Variants in PATJ observed in about 807,000 individuals in gnomAD.
PATJ encodes inaD-like protein.
In PATJ, 190 loss-of-function variants were observed where a neutral mutation model predicts 224.9. The observed-to-expected ratio is 0.84, with a 90% CI of 0.75 to 0.95. The LOEUF (loss-of-function observed/expected upper bound fraction) is 0.95. PATJ is among the 40% of genes least tolerant of loss of function. The pLI is 0.00. For synonymous variants in PATJ, 769 were observed against 820.3 expected, an observed-to-expected ratio of 0.94 and a Z score of 1.07; for missense variants, 2,121 against 2,270.3, an observed-to-expected ratio of 0.93 and a Z score of 1.34.
intron 28 of PATJ, among the ~76,000 whole-genome samples, chr1:62,010,274 C>T (rs1006837756): frequency 1.3e-5 from 2 of 152,000 alleles, no homozygotes; most frequent in African/African-American, 2.4e-5. Flanking sequence ...ATCTTGAACC[C>T]CTCAAAGTCA....
chr1:62,066,845 T>C (rs1570421600), intron 31 of PATJ, among the ~76,000 whole-genome samples: 1 of 151,760 alleles, frequency 6.6e-6, no homozygotes, highest in African/African-American at 2.4e-5. Flanking sequence ...TGGTTGGGGG[T>C]GAATTCATAG....
intron 27 of PATJ, among the ~76,000 whole-genome samples, chr1:61,944,255 G>A (rs1678310069): frequency 6.6e-6 from 1 of 152,166 alleles, no homozygotes; most frequent in South Asian, 2.1e-4. Context: ...GGCTTCAGAC[G>A]ATTGGTAATA....
intron 16 of PATJ, among the ~76,000 whole-genome samples, chr1:61,828,909 T>G (rs1658808502): frequency 6.6e-6 from 1 of 152,200 alleles, no homozygotes; most frequent in Non-Finnish European, 1.5e-5. Context: ...TGACTTTCTG[T>G]TCATATTTTT....
chr1:61,875,846 A>G (rs897102625), intron 21 of PATJ, among the ~76,000 whole-genome samples: 1 of 152,176 alleles, frequency 6.6e-6, no homozygotes, highest in Non-Finnish European at 1.5e-5. Flanking sequence ...AAAGAATTCT[A>G]AAAGTATAGT....
intron 27 of PATJ, among the ~76,000 whole-genome samples, chr1:61,947,470 A>T (rs945690274): frequency 6.6e-6 from 1 of 152,180 alleles, no homozygotes; most frequent in Non-Finnish European, 1.5e-5. Flanking sequence ...CACAATTGCT[A>T]CAAAGAGAAT....
intron 33 of PATJ, among the ~76,000 whole-genome samples, chr1:62,091,261 C>A (rs1660698866): frequency 1.3e-5 from 2 of 152,158 alleles, no homozygotes; most frequent in Admixed American, 1.3e-4. Context: ...TTCTACCAAA[C>A]CTAAAAGGCA....
At chr1:61,778,254 G>C (rs969385855) in intron 7 of PATJ, among the ~76,000 whole-genome samples, 2 of 152,068 alleles carry the variant, frequency 1.3e-5, no homozygotes, top group Admixed American at 6.5e-5. Flanking sequence ...GGCCTGAAGC[G>C]ATCTTCCTGC....
intron 43 of PATJ, among the ~76,000 whole-genome samples, chr1:62,159,542 C>T (rs1052199302): frequency 1.4e-5 from 2 of 143,916 alleles, no homozygotes; most frequent in African/African-American, 5.3e-5. Context: ...CAGTATAGAC[C>T]TGATTTCGAA....
intron 26 of PATJ, among the ~76,000 whole-genome samples, chr1:61,916,894 C>T (rs1240779540): frequency 2.0e-5 from 3 of 152,116 alleles, no homozygotes; most frequent in Non-Finnish European, 1.5e-5. Flanking sequence ...GAGTCAGTTC[C>T]TTGGGGGAGG....
chr1:62,012,079 G>A (rs990111924), intron 28 of PATJ, among the ~76,000 whole-genome samples: 1 of 152,048 alleles, frequency 6.6e-6, no homozygotes, highest in African/African-American at 2.4e-5. Context: ...CAACTATTGG[G>A]CATTTCCCCC....
At chr1:61,965,121 C>CAAAAAAAAAAAAAAAAAAAAAAAAAAAA (rs34267345) in intron 27 of PATJ, among the ~76,000 whole-genome samples, 1 of 54,384 alleles carries the variant, frequency 1.8e-5, no homozygotes, top group Admixed American at 2.7e-4. Context: ...GACTCTGTCT[C>CAAAAAAAAAAAAAAAAAAAAAAAAAAAA]AAAAAAAAAA....
chr1:61,936,505 G>A (rs1364286107), intron 27 of PATJ, among the ~76,000 whole-genome samples: 2 of 146,940 alleles, frequency 1.4e-5, no homozygotes, highest in Non-Finnish European at 3.0e-5. Context: ...TCATATAATT[G>A]TCAGTCTCAA....
At chr1:61,951,633 AT>A (rs200761524) in intron 27 of PATJ, among the ~76,000 whole-genome samples, 4 of 149,440 alleles carry the variant, frequency 2.7e-5, no homozygotes, top group Admixed American at 6.7e-5. Context: ...CTGAAGCTAC[AT>A]TTTTTTTTTA....
chr1:61,821,404 G>A (rs1001240949), intron 14 of PATJ, among the ~76,000 whole-genome samples: 6 of 152,126 alleles, frequency 3.9e-5, no homozygotes, highest in African/African-American at 1.4e-4. Context: ...AGAGATGGTC[G>A]CAGATCCTGA....
intron 28 of PATJ, among the ~76,000 whole-genome samples, chr1:62,006,010 T>C (rs1033561219): frequency 2.6e-5 from 4 of 152,232 alleles, no homozygotes; most frequent in Non-Finnish European, 5.9e-5. Flanking sequence ...TTTCCATTCC[T>C]AGCTTAAGTT....
chr1:61,752,294 ACT>A (rs1376203297), intron 1 of PATJ, among the ~76,000 whole-genome samples: 1 of 147,572 alleles, frequency 6.8e-6, no homozygotes, highest in Non-Finnish European at 1.5e-5. Flanking sequence ...TGAAAAACTG[ACT>A]CTTTTCATTT....
rs148689566 is a variant in PATJ at position 61,778,637 on chromosome 1, G to T, written c.849+3303G>T. Among the ~76,000 whole-genome samples the T allele has an allele frequency of 2.5e-3, 373 of 152,216 alleles. 1 individual carries two copies. The highest frequency in any genetic ancestry group is 8.6e-3 in the African/African-American group (359 of 41,530). ...CTGAATGCAGAAGCAGATGAGTCCAGCTGTTTTAAGCCAGATATTAAAGAG... is the reference window on the plus strand; with the variant it reads ...CTGAATGCAGAAGCAGATGAGTCCATCTGTTTTAAGCCAGATATTAAAGAG... On this transcript the variant is annotated intron_variant, in intron 7 of 43. Transcript: ENST00000642238.
chr1:62,146,881 C>A (rs1668092409), intron 41 of PATJ, among the ~76,000 whole-genome samples: 1 of 152,192 alleles, frequency 6.6e-6, no homozygotes, highest in Non-Finnish European at 1.5e-5. Context: ...AAGGATGACA[C>A]CATCCTTGAA....
At chr1:61,999,271 C>T (rs74613111) in intron 28 of PATJ, among the ~76,000 whole-genome samples, 4,587 of 152,264 alleles carry the variant, frequency 0.03, 216 homozygotes, top group African/African-American at 0.1. Flanking sequence ...TCCCAACTTC[C>T]TTCCTGTCCT....
Sources: gnomAD v4.1 joint callset for allele counts (sites outside exome capture counted in the v4.1 genomes callset) on GRCh38, gnomAD v4.1.1 for gene constraint, MANE v1.5 for transcripts, NCBI Gene and HGNC (gene_info 2026-07-23, HGNC 2026-07-21) for gene names.